Variants in DYNC2I2 observed in about 807,000 individuals in gnomAD.
DYNC2I2 encodes the protein cytoplasmic dynein 2 intermediate chain 2.
Under a neutral mutation model 52.0 loss-of-function variants are expected in DYNC2I2, and 39 were observed. The observed-to-expected ratio is 0.75, with a 90% CI of 0.58 to 0.98. The LOEUF (loss-of-function observed/expected upper bound fraction) is 0.98, where lower values mean the gene tolerates loss of function less well. Ranked by LOEUF, DYNC2I2 falls within the 50% of genes least tolerant of loss-of-function variation. The pLI is 0.00. For synonymous variants in DYNC2I2, 359 were observed against 321.1 expected (o/e 1.12, Z -1.26); for missense variants, 743 against 728.4 (o/e 1.02, Z -0.23).
chr9:128,669,051 C>CA, the DYNC2I2 span, among the ~76,000 whole-genome samples: 2 of 151,382 alleles, frequency 1.3e-5, no homozygotes, highest in Non-Finnish European at 2.9e-5. Flanking sequence ...ACCAACATGG[C>CA]AAAACCCCGT....
At chr9:128,651,931 A>AAAAAAAAAAAAAG (rs57897841) in intron 1 of DYNC2I2, 2 of 130,362 alleles carry the variant, frequency 1.5e-5, no homozygotes, top group African/African-American at 3.0e-5. Flanking sequence ...AAAAAAAAAA[A>AAAAAAAAAAAAAG]AAAGAAAGAA....
At chr9:128,668,187 C>T in the DYNC2I2 span, among the ~76,000 whole-genome samples, 16 of 151,664 alleles carry the variant, frequency 1.1e-4, no homozygotes, top group South Asian at 8.3e-4. Context: ...TCTTGATCTC[C>T]TGACCTTGTG....
intron 1 of DYNC2I2, 83 bp downstream of exon 1, chr9:128,656,458 T>C: frequency 8.8e-7 from 1 of 1,138,510 alleles, no homozygotes. Context: ...GCAGCCACGG[T>C]GGGACGCCCG....
chr9:128,642,581 T>C (rs1166064095), intron 1 of DYNC2I2, among the ~76,000 whole-genome samples: 4 of 151,408 alleles, frequency 2.6e-5, no homozygotes, highest in Non-Finnish European at 5.9e-5. Context: ...CCATCCTGGC[T>C]AATACGGTGA....
chr9:128,648,630 A>C (rs1389668346), intron 1 of DYNC2I2, among the ~76,000 whole-genome samples: 1 of 82,322 alleles, frequency 1.2e-5, no homozygotes, highest in Non-Finnish European at 2.9e-5. Flanking sequence ...TACTAAAAAT[A>C]CAAAAAAAAA....
intron 1 of DYNC2I2, among the ~76,000 whole-genome samples, chr9:128,647,777 G>A (rs1330493309): frequency 6.6e-6 from 1 of 151,586 alleles, no homozygotes; most frequent in Non-Finnish European, 1.5e-5. Flanking sequence ...CAAAGGGCTG[G>A]GCCAGACTTT....
At chr9:128,636,558 C>G in intron 3 of DYNC2I2, 120 bp from the exon 4 acceptor site, 1 of 1,203,806 alleles carries the variant, frequency 8.3e-7, no homozygotes, top group South Asian at 1.4e-5. Flanking sequence ...CCAGACACTA[C>G]TCTGGGTATT....
At chr9:128,635,865 G>A in intron 4 of DYNC2I2, 98 bp from the exon 5 acceptor site, 1 of 1,175,268 alleles carries the variant, frequency 8.5e-7, no homozygotes, top group South Asian at 1.4e-5. Context: ...GCCAGGGCCA[G>A]GGCCAGGCGG....
At chr9:128,637,242 C>T (rs1460001730) in intron 2 of DYNC2I2, among the ~76,000 whole-genome samples, 2 of 152,222 alleles carry the variant, frequency 1.3e-5, no homozygotes, top group Admixed American at 1.3e-4. Context: ...GCAAGGCCGA[C>T]CAGGCTCCCG....
intron 7 of DYNC2I2, 32 bp from the exon 8 acceptor site, chr9:128,634,415 A>C (rs368377594): frequency 1.3e-6 from 2 of 1,554,046 alleles, no homozygotes; most frequent in Non-Finnish European, 1.7e-6. Context: ...AGGCAAGGGA[A>C]TCAGTGCTGG....
upstream of DYNC2I2, among the ~76,000 whole-genome samples, chr9:128,658,151 G>C (rs1860870694): frequency 6.6e-6 from 1 of 151,066 alleles, no homozygotes; most frequent in South Asian, 2.1e-4. Flanking sequence ...AATGATCTGG[G>C]AAGGATAGAT....
upstream of DYNC2I2, among the ~76,000 whole-genome samples, chr9:128,657,075 C>T (rs958417685): frequency 6.6e-6 from 1 of 152,206 alleles, no homozygotes; most frequent in African/African-American, 2.4e-5. Flanking sequence ...GTGGCCGGCC[C>T]GCGAGGTCTG....
intron 5 of DYNC2I2, 48 bp downstream of exon 5, chr9:128,635,610 C>T (rs1860390514): frequency 6.5e-7 from 1 of 1,527,776 alleles, no homozygotes; most frequent in Admixed American, 1.9e-5. Context: ...GCGCCCTCTC[C>T]CCAGCTCTGC....
the DYNC2I2 span, among the ~76,000 whole-genome samples, chr9:128,678,988 G>C: frequency 6.6e-6 from 1 of 152,136 alleles, no homozygotes; most frequent in Non-Finnish European, 1.5e-5. Context: ...AGAATGGCGT[G>C]AACCTGGGAA....
the DYNC2I2 span, among the ~76,000 whole-genome samples, chr9:128,662,028 G>A: frequency 0.016 from 2,443 of 149,440 alleles, 63 homozygotes; most frequent in African/African-American, 0.056. Context: ...GCGACAGAGC[G>A]AGACTCCATC....
rs752614412 is a variant in DYNC2I2, at chr9:128,640,888, T to C, written c.238A>G (p.Arg80Gly). ...IATASASAQA[R>G]NHVDAQVQTE... is the part of the protein sequence containing the mutation. Reference sequence around the variant, plus strand: ...TGCACCTGGGCGTCCACATGATTCCTGGCCTGGGCGGATGCACTGGCAGTG... The same window carrying C: ...TGCACCTGGGCGTCCACATGATTCCCGGCCTGGGCGGATGCACTGGCAGTG... Residue 80 changes from arginine to glycine, a missense_variant, in exon 2 of 9, where the codon AGG becomes GGG. Coordinates refer to ENST00000372715, the MANE Select transcript of DYNC2I2 (RefSeq NM_052844.4). 1 of 1,611,086 alleles carries C rather than the reference T, an allele frequency of 6.2e-7. No individual in the cohort carries two copies. The highest frequency in any genetic ancestry group is 1.1e-5 in the South Asian group (1 of 90,916).
chr9:128,670,054 T>C, the DYNC2I2 span, among the ~76,000 whole-genome samples: 15 of 151,864 alleles, frequency 9.9e-5, no homozygotes, highest in Non-Finnish European at 1.9e-4. Flanking sequence ...GCATGAAAAT[T>C]GCTTTGACTG....
chr9:128,635,191 C>G lies in DYNC2I2; in HGVS notation c.882G>C (p.Lys294Asn). The G allele has an allele frequency of 6.2e-7, 1 of 1,613,470 alleles. No individual in the cohort carries two copies. Among genetic ancestry groups the G allele is most frequent in the South Asian group, 1.1e-5 (1 of 91,086 alleles). The change falls in exon 6 of 9, where the codon AAG becomes AAC. Residue 294 changes from lysine to asparagine, a missense_variant. Coordinates refer to ENST00000372715, the MANE Select transcript of DYNC2I2 (RefSeq NM_052844.4). The part of the protein sequence containing the change: ...FQVLSVATDG[K>N]VLLWQGIGVG... ...CCCCGATGCCCTGCCAGAGTAGCACCTTCCCGTCGGTGGCCACACTCAGCA... is the reference window on the plus strand; with the variant it reads ...CCCCGATGCCCTGCCAGAGTAGCACGTTCCCGTCGGTGGCCACACTCAGCA...
chr9:128,648,279 C>T (rs1054143135), intron 1 of DYNC2I2, among the ~76,000 whole-genome samples: 13 of 151,808 alleles, frequency 8.6e-5, no homozygotes, highest in African/African-American at 2.9e-4. Context: ...TGGTGGCACA[C>T]GCCTGTAACT....
Sources: allele counts gnomAD v4.1 joint callset (sites outside exome capture counted in the v4.1 genomes callset), GRCh38; gene constraint gnomAD v4.1.1; transcripts MANE v1.5; gene names NCBI Gene and HGNC (gene_info 2026-07-23, HGNC 2026-07-21).